CLYBL: variants seen among roughly 807,000 people sequenced by gnomAD.
CLYBL encodes citramalyl-CoA lyase, mitochondrial.
Under a neutral mutation model 38.9 loss-of-function variants are expected in CLYBL, and 31 were observed. The observed-to-expected ratio is 0.80, with a 90% CI of 0.60 to 1.08. CLYBL has a LOEUF of 1.08. Among genes scored for constraint, CLYBL ranks in the 50% least tolerant of loss-of-function variants. CLYBL has a pLI of 0.00. For synonymous variants in CLYBL, 171 were observed against 158.6 expected, an observed-to-expected ratio of 1.08 and a Z score of -0.59; for missense variants, 434 against 411.6, an observed-to-expected ratio of 1.05 and a Z score of -0.47.
At chr13:99,627,832 G>A (rs751359149) in intron 1 of CLYBL, among the ~76,000 whole-genome samples, 4 of 152,286 alleles carry the variant, frequency 2.6e-5, no homozygotes, top group Middle Eastern at 3.4e-3. Flanking sequence ...CTGCATTCAC[G>A]TATTTAGCCT....
intron 7 of CLYBL, among the ~76,000 whole-genome samples, chr13:99,872,280 T>C (rs2051924599): frequency 6.6e-6 from 1 of 152,190 alleles, no homozygotes; most frequent in Non-Finnish European, 1.5e-5. Context: ...CAATTTGGAC[T>C]TACACCAATT....
In CLYBL at chr13:99,772,817, C is replaced by G. The variant is rs2049424544; in HGVS notation, c.63-7C>G. 7.6e-6 allele frequency: 12 copies of G among 1,583,020 alleles called. No individual in the cohort carries two copies. Among genetic ancestry groups the G allele is most frequent in the Non-Finnish European group, 1.0e-5 (12 of 1,170,920 alleles). ...TTCTGGACTAACCCCAATCACGTGT[C>G]TTGCAGGAAAGCGTCTCTAGCAGCT... On this transcript the variant is annotated splice_region_variant and splice_polypyrimidine_tract_variant and intron_variant, in intron 1 of 8. Transcript: ENST00000339105.
chr13:99,908,403 G>A (rs2052718885), exon 10 of CLYBL, among the ~76,000 whole-genome samples: 2 of 152,196 alleles, frequency 1.3e-5, no homozygotes, highest in Admixed American at 6.5e-5. Context: ...GAAGCCAAGT[G>A]TACTCTGTCA....
At chr13:99,719,243 C>T (rs976938129) in intron 1 of CLYBL, among the ~76,000 whole-genome samples, 6 of 151,402 alleles carry the variant, frequency 4.0e-5, no homozygotes, top group Admixed American at 6.6e-5. Flanking sequence ...CTCCTGGGCT[C>T]ACATGATCTC....
intron 1 of CLYBL, among the ~76,000 whole-genome samples, chr13:99,619,095 G>C (rs1191094828): frequency 6.6e-6 from 1 of 152,226 alleles, no homozygotes; most frequent in East Asian, 1.9e-4. Context: ...TCACTCCTGG[G>C]TAGTACTATG....
At chr13:99,868,278 G>A (rs1301905951) in intron 6 of CLYBL, among the ~76,000 whole-genome samples, 1 of 152,148 alleles carries the variant, frequency 6.6e-6, no homozygotes, top group Non-Finnish European at 1.5e-5. Context: ...TAATAAGATA[G>A]ATTATTTGTA....
chr13:99,760,495 C>T (rs1353273121), intron 1 of CLYBL, among the ~76,000 whole-genome samples: 1 of 152,246 alleles, frequency 6.6e-6, no homozygotes, highest in Non-Finnish European at 1.5e-5. Context: ...CTACTGGTGA[C>T]AAACTCCCTT....
chr13:99,737,346 C>T lies in CLYBL; in HGVS notation c.63-35478C>T, dbSNP rs543957746. ...GCTGTTATCAATTGGGCTTCCTGTG[C>T]ACGAGGTGCTTCGTCAAGGGTTTTA... On this transcript the variant is annotated intron_variant, in intron 1 of 8. Transcript: ENST00000339105. Among the ~76,000 whole-genome samples, 10 of 152,304 alleles carry T rather than the reference C, an allele frequency of 6.6e-5. No homozygotes were observed. The South Asian group carries it at 1.9e-3, about 28-fold the overall frequency.
At chr13:99,699,924 G>A (rs555454066) in intron 1 of CLYBL, among the ~76,000 whole-genome samples, 266 of 152,088 alleles carry the variant, frequency 1.7e-3, no homozygotes, top group African/African-American at 6.1e-3. Context: ...CCACGGAGGC[G>A]GAGCTTGCAG....
chr13:99,758,101 G>A (rs973636418), intron 1 of CLYBL, among the ~76,000 whole-genome samples: 19 of 152,166 alleles, frequency 1.2e-4, no homozygotes, highest in African/African-American at 4.3e-4. Context: ...AAAAAGCCTG[G>A]GTCCTGTTAC....
chr13:99,862,775 G>GT (rs1334068087), intron 3 of CLYBL, among the ~76,000 whole-genome samples: 5 of 152,114 alleles, frequency 3.3e-5, no homozygotes, highest in Non-Finnish European at 7.4e-5. Flanking sequence ...GAAAAAAATT[G>GT]TAATGCTTAG....
chr13:99,713,825 A>G (rs772891442), intron 1 of CLYBL, among the ~76,000 whole-genome samples: 4 of 150,926 alleles, frequency 2.7e-5, no homozygotes, highest in African/African-American at 7.3e-5. Flanking sequence ...CTGGGACTAC[A>G]GGCACAAGAC....
At chr13:99,866,177 TAAA>T in intron 5 of CLYBL, 60 bp from the exon 6 acceptor site, 1 of 1,491,392 alleles carries the variant, frequency 6.7e-7, no homozygotes, top group South Asian at 1.2e-5. Flanking sequence ...GGTTTTATAA[TAAA>T]TATCTGGGTG....
At chr13:99,794,440 T>C (rs1440653929) in intron 2 of CLYBL, among the ~76,000 whole-genome samples, 1 of 152,062 alleles carries the variant, frequency 6.6e-6, no homozygotes, top group East Asian at 1.9e-4. Context: ...GATTCAAGTG[T>C]ATATAACCAC....
intron 1 of CLYBL, among the ~76,000 whole-genome samples, chr13:99,736,398 G>T (rs563584728): frequency 1.3e-4 from 19 of 151,862 alleles, no homozygotes; most frequent in Non-Finnish European, 2.6e-4. Context: ...GAGAGCAAAA[G>T]ATGAGGTTTT....
At chr13:99,898,876 G>A (rs142407342), downstream of CLYBL, among the ~76,000 whole-genome samples, 1 of 152,296 alleles carries the variant, frequency 6.6e-6, no homozygotes, top group Non-Finnish European at 1.5e-5. Context: ...AAAAAATAGT[G>A]TGGATGCCTT....
intron 1 of CLYBL, among the ~76,000 whole-genome samples, chr13:99,630,836 G>A (rs998687925): frequency 2.0e-5 from 3 of 152,100 alleles, no homozygotes; most frequent in African/African-American, 7.2e-5. Flanking sequence ...ATATTCTTTT[G>A]CCTATTTTAC....
intron 2 of CLYBL, among the ~76,000 whole-genome samples, chr13:99,777,720 T>G (rs1254625234): frequency 6.6e-6 from 1 of 152,128 alleles, no homozygotes; most frequent in East Asian, 1.9e-4. Context: ...CTCGAACTCC[T>G]GACCTCAGGT....
At chr13:99,747,127 A>G (rs1566310446) in intron 1 of CLYBL, among the ~76,000 whole-genome samples, 1 of 152,132 alleles carries the variant, frequency 6.6e-6, no homozygotes, top group Non-Finnish European at 1.5e-5. Context: ...GCAAATACCC[A>G]CTAACAGGCA....
Sources: allele counts gnomAD v4.1 joint callset (sites outside exome capture counted in the v4.1 genomes callset), GRCh38; gene constraint gnomAD v4.1.1; transcripts MANE v1.5; gene names NCBI Gene and HGNC (gene_info 2026-07-23, HGNC 2026-07-21).